Variants in L3MBTL4 observed in about 807,000 individuals in gnomAD.
The protein encoded by L3MBTL4 is L3MBTL histone methyl-lysine binding protein 4, also known as lethal(3)malignant brain tumor-like protein 4.
In L3MBTL4, 70 loss-of-function variants were observed where a neutral mutation model predicts 84.5. The observed-to-expected ratio is 0.83, with a 90% CI of 0.68 to 1.01. L3MBTL4 has a LOEUF of 1.01. L3MBTL4 is among the 50% of genes least tolerant of loss of function. The probability of loss-of-function intolerance (pLI) is 0.00; values close to 1 mark genes in which losing one functional copy is unlikely to be tolerated. For missense variants in L3MBTL4, 715 were observed against 754.8 expected, an observed-to-expected ratio of 0.95 and a Z score of 0.62; for synonymous variants, 274 against 259.8, an observed-to-expected ratio of 1.05 and a Z score of -0.52.
intron 16 of L3MBTL4, among the ~76,000 whole-genome samples, chr18:5,973,519 G>A (rs1028367340): frequency 4.0e-5 from 6 of 149,676 alleles, no homozygotes; most frequent in South Asian, 4.3e-4. Context: ...TGTAATATGC[G>A]AATATACTGA....
At chr18:6,393,884 G>C (rs1215499119) in intron 1 of L3MBTL4, among the ~76,000 whole-genome samples, 1 of 152,042 alleles carries the variant, frequency 6.6e-6, no homozygotes, top group African/African-American at 2.4e-5. Flanking sequence ...TATGAATATG[G>C]AGCCCTCATG....
In L3MBTL4 at chr18:6,373,912, C is replaced by G. The variant is rs139930494; in HGVS notation, c.-91+40889G>C. On this transcript the variant is annotated intron_variant, in intron 1 of 18. Transcript: ENST00000317931. ...TTTGTTTTGTTTCCTAAGATACTGA[C>G]AAAGCTAAATTATTGGGGTTTTTTT... Among the ~76,000 whole-genome samples, 759 of 152,126 alleles carry G rather than the reference C, an allele frequency of 5.0e-3. 6 individuals are homozygous for G. The highest frequency in any genetic ancestry group is 0.017 in the African/African-American group (719 of 41,488).
At chr18:6,226,035 T>C (rs2046769767) in intron 10 of L3MBTL4, among the ~76,000 whole-genome samples, 1 of 152,104 alleles carries the variant, frequency 6.6e-6, no homozygotes, top group Non-Finnish European at 1.5e-5. Flanking sequence ...TTTGGATACA[T>C]ACAAAGACAT....
chr18:6,225,464 A>C (rs931262581), intron 10 of L3MBTL4, among the ~76,000 whole-genome samples: 7 of 152,170 alleles, frequency 4.6e-5, no homozygotes, highest in Admixed American at 4.6e-4. Context: ...GAAAATAAAA[A>C]ATACATTAAG....
At chr18:6,322,772 G>A (rs1444652092) in intron 1 of L3MBTL4, among the ~76,000 whole-genome samples, 1 of 152,148 alleles carries the variant, frequency 6.6e-6, no homozygotes, top group African/African-American at 2.4e-5. Flanking sequence ...GCAGAACTGA[G>A]GATGGTAAAT....
intron 16 of L3MBTL4, among the ~76,000 whole-genome samples, chr18:6,071,016 A>G (rs2145975068): frequency 6.6e-6 from 1 of 152,330 alleles, no homozygotes; most frequent in East Asian, 1.9e-4. Context: ...GTATACTCAC[A>G]TGAATTTTGG....
At chr18:6,285,937 T>C (rs888588951) in intron 4 of L3MBTL4, among the ~76,000 whole-genome samples, 4 of 151,442 alleles carry the variant, frequency 2.6e-5, no homozygotes, top group African/African-American at 9.7e-5. Flanking sequence ...GTTCAAGCGA[T>C]TCTTCTGCCT....
intron 3 of L3MBTL4, among the ~76,000 whole-genome samples, chr18:6,303,731 C>T (rs1325206588): frequency 6.6e-6 from 1 of 152,060 alleles, no homozygotes; most frequent in Non-Finnish European, 1.5e-5. Flanking sequence ...CTAGCTTTGA[C>T]AACCATAAAA....
At chr18:6,285,961 A>G (rs749529988) in intron 4 of L3MBTL4, among the ~76,000 whole-genome samples, 1 of 151,386 alleles carries the variant, frequency 6.6e-6, no homozygotes, top group Admixed American at 6.6e-5. Context: ...CCTCCCCAGT[A>G]GCTGGGATCA....
At chr18:6,186,300 C>T (rs2044759705) in intron 12 of L3MBTL4, among the ~76,000 whole-genome samples, 1 of 152,162 alleles carries the variant, frequency 6.6e-6, no homozygotes, top group Middle Eastern at 3.4e-3. Flanking sequence ...CCTTGGCCTC[C>T]CAAAGTGCTG....
At chr18:6,307,552 C>T (rs1372267860) in intron 3 of L3MBTL4, among the ~76,000 whole-genome samples, 1 of 152,102 alleles carries the variant, frequency 6.6e-6, no homozygotes, top group East Asian at 1.9e-4. Flanking sequence ...AGATATTCTT[C>T]ATCCTTCAAG....
Position 6,212,222 on chromosome 18 carries a change from T to C in L3MBTL4, c.981+927A>G, listed in dbSNP as rs564545661. Among the ~76,000 whole-genome samples, 6 of 152,354 alleles carry C rather than the reference T, an allele frequency of 3.9e-5. 1 individual carries two copies. The highest frequency in any genetic ancestry group is 9.6e-5 in the African/African-American group (4 of 41,584). ...ACATTGCCAGTGTACATTCTTTTGA[T>C]AATCTATTGCCAAGCTGGACACTCA... On this transcript the variant is annotated intron_variant, in intron 12 of 18. Coordinates refer to ENST00000317931, the MANE Select transcript of L3MBTL4 (RefSeq NM_001330559.2).
At chr18:6,126,649 T>C (rs1257983171) in intron 14 of L3MBTL4, among the ~76,000 whole-genome samples, 2 of 152,212 alleles carry the variant, frequency 1.3e-5, no homozygotes, top group African/African-American at 4.8e-5. Context: ...AAAAAAATCA[T>C]TGAATTCTCA....
At chr18:6,293,302 T>A (rs2049948846) in intron 4 of L3MBTL4, among the ~76,000 whole-genome samples, 1 of 152,062 alleles carries the variant, frequency 6.6e-6, no homozygotes, top group Admixed American at 6.5e-5. Context: ...GAGAAATGAC[T>A]GATTCAACGT....
chr18:6,319,071 C>A (rs1301230291), intron 1 of L3MBTL4, among the ~76,000 whole-genome samples: 4 of 152,020 alleles, frequency 2.6e-5, no homozygotes, highest in Non-Finnish European at 5.9e-5. Context: ...TTTAAAAATT[C>A]TTTGACATGA....
rs537517186 is a variant in L3MBTL4, at chr18:6,208,982, G to A, written c.981+4167C>T. 2.6e-5 allele frequency among the ~76,000 whole-genome samples: 4 copies of A among 152,304 alleles called. No individual in the cohort carries two copies. The South Asian group carries it at 6.2e-4, about 24-fold the overall frequency. ...TTTAAGTGGATTTATGAGGGTGAGC[G>A]AGTAGAGGATCTTGGATGAGGCTGC... On this transcript the variant is annotated intron_variant, in intron 12 of 18. Coordinates refer to ENST00000317931, the MANE Select transcript of L3MBTL4 (RefSeq NM_001330559.2).
At chr18:6,075,315 T>C (rs2057821089) in intron 16 of L3MBTL4, among the ~76,000 whole-genome samples, 1 of 152,114 alleles carries the variant, frequency 6.6e-6, no homozygotes, top group African/African-American at 2.4e-5. Flanking sequence ...ACCATAGTAT[T>C]GGCACAAGAA....
At chr18:6,118,683 T>C (rs935792268) in intron 14 of L3MBTL4, among the ~76,000 whole-genome samples, 1 of 152,206 alleles carries the variant, frequency 6.6e-6, no homozygotes, top group Middle Eastern at 3.2e-3. Context: ...AAATCTTAAG[T>C]TTCTACAGTG....
intron 4 of L3MBTL4, among the ~76,000 whole-genome samples, chr18:6,271,523 G>A (rs1403440130): frequency 6.6e-6 from 1 of 152,224 alleles, no homozygotes; most frequent in East Asian, 1.9e-4. Context: ...GGAGGGACCA[G>A]CGCAGAACGC....
Sources: gnomAD v4.1 joint callset for allele counts (sites outside exome capture counted in the v4.1 genomes callset) on GRCh38, gnomAD v4.1.1 for gene constraint, MANE v1.5 for transcripts, NCBI Gene and HGNC (gene_info 2026-07-23, HGNC 2026-07-21) for gene names.